GMPR: variants seen among roughly 807,000 people sequenced by gnomAD.
GMPR encodes GMP reductase 1.
Under a neutral mutation model 38.4 loss-of-function variants are expected in GMPR, and 31 were observed. The observed-to-expected ratio is 0.81, with a 90% CI of 0.61 to 1.09. The LOEUF is 1.09. Ranked by LOEUF, GMPR falls within the 50% of genes least tolerant of loss-of-function variation. The probability of loss-of-function intolerance (pLI) is 0.00; values close to 1 mark genes in which losing one functional copy is unlikely to be tolerated. For missense variants in GMPR, 468 were observed against 453.7 expected, an observed-to-expected ratio of 1.03 and a Z score of -0.29; for synonymous variants, 162 against 173.3, an observed-to-expected ratio of 0.93 and a Z score of 0.51.
At chr6:16,289,121 G>T (rs531501420) in intron 7 of GMPR, among the ~76,000 whole-genome samples, 1 of 152,178 alleles carries the variant, frequency 6.6e-6, no homozygotes, top group African/African-American at 2.4e-5. Flanking sequence ...TCGGTCTTTA[G>T]GCCCACACTG....
At position 16,290,492 on chromosome 6, in the gene GMPR, G is replaced by T. The variant is rs1561836618; in HGVS notation, c.728G>T (p.Gly243Val). The change falls in exon 8 of 9, where the codon GGA becomes GTA. Residue 243 changes from glycine (G) to valine (V), a missense_variant. Physicochemically the swap from Gly to Val is moderately radical, Grantham distance 109. Transcript: ENST00000259727. Reference protein sequence around the residue: ...GAGADFVMLGGMFSGHTECAG... With the variant: ...GAGADFVMLGVMFSGHTECAG... ...GGAGCAGATTTTGTCATGCTGGGAG[G>T]AATGTTTTCGGGTCATACGGAGTGT... is the stretch of plus-strand genomic sequence containing the variant. The T allele has an allele frequency of 6.2e-7, 1 of 1,614,152 alleles. No individual in the cohort carries two copies. Among genetic ancestry groups the T allele is most frequent in the Non-Finnish European group, 8.5e-7 (1 of 1,179,996 alleles).
chr6:16,272,857 T>C (rs1379020037), intron 4 of GMPR, among the ~76,000 whole-genome samples: 4 of 152,116 alleles, frequency 2.6e-5, no homozygotes, highest in African/African-American at 9.7e-5. Context: ...AGAGATGGGA[T>C]TTTGCCATGT....
intron 4 of GMPR, among the ~76,000 whole-genome samples, chr6:16,266,129 CTTG>C (rs1207939043): frequency 7.5e-5 from 8 of 106,356 alleles, no homozygotes; most frequent in African/African-American, 3.4e-4. Flanking sequence ...AGCTGTAACA[CTTG>C]CCATCTTTAA....
intron 5 of GMPR, among the ~76,000 whole-genome samples, chr6:16,275,535 C>T (rs978945394): frequency 2.0e-5 from 3 of 152,174 alleles, no homozygotes; most frequent in African/African-American, 7.2e-5. Context: ...TATTGCCACT[C>T]ATTTAAGCCA....
intron 4 of GMPR, 131 bp from the exon 5 acceptor site, chr6:16,274,284 T>G: frequency 1.5e-6 from 1 of 650,860 alleles, no homozygotes; most frequent in Non-Finnish European, 2.7e-6. Context: ...TGAAATTCTG[T>G]GTTCCTTTTT....
intron 7 of GMPR, among the ~76,000 whole-genome samples, chr6:16,287,499 C>T (rs76825364): frequency 7.2e-5 from 11 of 152,274 alleles, no homozygotes; most frequent in East Asian, 5.8e-4. Flanking sequence ...GTACCTGTGC[C>T]GAGACTCAGT....
chr6:16,258,884 A>T (rs1759027568), intron 4 of GMPR, among the ~76,000 whole-genome samples: 1 of 152,240 alleles, frequency 6.6e-6, no homozygotes, highest in Admixed American at 6.5e-5. Context: ...TTGTTACAAT[A>T]CAGTGAACAG....
intron 6 of GMPR, among the ~76,000 whole-genome samples, chr6:16,281,261 G>A (rs1759567312): frequency 6.6e-6 from 1 of 152,136 alleles, no homozygotes; most frequent in Admixed American, 6.5e-5. Flanking sequence ...TAGTTCTGAT[G>A]TCCTCTCAAG....
At chr6:16,258,901 T>C (rs1265610439) in intron 4 of GMPR, among the ~76,000 whole-genome samples, 1 of 152,206 alleles carries the variant, frequency 6.6e-6, no homozygotes, top group African/African-American at 2.4e-5. Context: ...ACAGAAAGGA[T>C]GCTCACAAAC....
chr6:16,285,493 C>T (rs1759661815), intron 6 of GMPR, among the ~76,000 whole-genome samples: 1 of 152,210 alleles, frequency 6.6e-6, no homozygotes, highest in South Asian at 2.1e-4. Flanking sequence ...GCTCACAGCC[C>T]CTGCTGCCTC....
At chr6:16,286,295 G>T (rs1164337855) in intron 7 of GMPR, among the ~76,000 whole-genome samples, 1 of 152,058 alleles carries the variant, frequency 6.6e-6, no homozygotes, top group Non-Finnish European at 1.5e-5. Context: ...GTGGGATTGG[G>T]GATGGGGAGC....
chr6:16,252,794 G>T (rs1431374650), intron 3 of GMPR, among the ~76,000 whole-genome samples: 1 of 152,236 alleles, frequency 6.6e-6, no homozygotes, highest in Non-Finnish European at 1.5e-5. Context: ...GGCTTGTGTG[G>T]ATTGGGCTGG....
At chr6:16,242,832 T>G (rs914323344) in intron 1 of GMPR, among the ~76,000 whole-genome samples, 15 of 152,114 alleles carry the variant, frequency 9.9e-5, no homozygotes, top group African/African-American at 3.4e-4. Context: ...GAGACAGGGT[T>G]TCTCCATGTT....
chr6:16,256,517 A>C (rs920734495), intron 4 of GMPR, among the ~76,000 whole-genome samples: 2 of 134,704 alleles, frequency 1.5e-5, no homozygotes, highest in Non-Finnish European at 1.6e-5. Context: ...AGACAGAGTG[A>C]GACTCTGTCT....
chr6:16,249,053 G>A (rs1286109361), intron 2 of GMPR, among the ~76,000 whole-genome samples: 1 of 152,182 alleles, frequency 6.6e-6, no homozygotes, highest in East Asian at 1.9e-4. Context: ...TAGCCCCAGA[G>A]AAGTTAGGTG....
intron 4 of GMPR, among the ~76,000 whole-genome samples, chr6:16,270,694 G>T (rs35027055): frequency 0.073 from 11,092 of 152,168 alleles, 432 homozygotes; most frequent in Non-Finnish European, 0.089. Flanking sequence ...AAACTCCCCC[G>T]TCCTCCTGGA....
chr6:16,287,339 C>T (rs186998227), intron 7 of GMPR, among the ~76,000 whole-genome samples: 1 of 152,232 alleles, frequency 6.6e-6, no homozygotes, highest in East Asian at 1.9e-4. Context: ...CACACATGCT[C>T]TCTGTACAGA....
At chr6:16,268,301 T>C (rs2113689027) in intron 4 of GMPR, among the ~76,000 whole-genome samples, 1 of 152,316 alleles carries the variant, frequency 6.6e-6, no homozygotes, top group Non-Finnish European at 1.5e-5. Context: ...GAACAGTCAC[T>C]GGGGTTGATA....
intron 6 of GMPR, among the ~76,000 whole-genome samples, chr6:16,282,786 A>G (rs747372816): frequency 2.0e-5 from 3 of 151,558 alleles, no homozygotes; most frequent in Non-Finnish European, 4.4e-5. Flanking sequence ...TCAGTATTCA[A>G]CATAATGTGA....
Sources: allele counts gnomAD v4.1 joint callset (sites outside exome capture counted in the v4.1 genomes callset), GRCh38; gene constraint gnomAD v4.1.1; transcripts MANE v1.5; gene names NCBI Gene and HGNC (gene_info 2026-07-23, HGNC 2026-07-21).